ZNF277: variants seen among roughly 807,000 people sequenced by gnomAD.
ZNF277 encodes the protein nuclear receptor-interacting factor 4.
Under a neutral mutation model 60.7 loss-of-function variants are expected in ZNF277, and 55 were observed. The ratio of observed to expected loss-of-function variants is 0.91; its 90% confidence interval spans 0.73 to 1.13. The LOEUF (loss-of-function observed/expected upper bound fraction) is 1.13. Among genes scored for constraint, ZNF277 ranks in the 50% most tolerant of loss-of-function variants. The pLI, the probability that ZNF277 is intolerant of heterozygous loss-of-function variation, is 0.00. For missense variants in ZNF277, 510 were observed against 523.0 expected, an observed-to-expected ratio of 0.98 and a Z score of 0.24; for synonymous variants, 178 against 179.3, an observed-to-expected ratio of 0.99 and a Z score of 0.06.
At chr7:112,334,800 A>G (rs1332816303) in intron 7 of ZNF277, among the ~76,000 whole-genome samples, 1 of 152,124 alleles carries the variant, frequency 6.6e-6, no homozygotes. Flanking sequence ...CCTTAAGTCC[A>G]AGTACAGAAA....
At chr7:112,247,314 A>C (rs2117003923) in intron 1 of ZNF277, among the ~76,000 whole-genome samples, 1 of 152,302 alleles carries the variant, frequency 6.6e-6, no homozygotes, top group African/African-American at 2.4e-5. Flanking sequence ...CTTTTGGTCA[A>C]CATTAGCTAG....
intron 1 of ZNF277, among the ~76,000 whole-genome samples, chr7:112,263,627 A>G (rs2117027979): frequency 6.6e-6 from 1 of 152,220 alleles, no homozygotes; most frequent in South Asian, 2.1e-4. Context: ...CTCACTCCTC[A>G]GTGTTATACA....
intron 1 of ZNF277, among the ~76,000 whole-genome samples, chr7:112,280,670 G>A (rs1791919192): frequency 6.6e-6 from 1 of 151,408 alleles, no homozygotes; most frequent in African/African-American, 2.4e-5. Context: ...CTGTCACCCA[G>A]ACTGGAGTGC....
intron 5 of ZNF277, among the ~76,000 whole-genome samples, chr7:112,322,899 T>A (rs960328569): frequency 6.6e-6 from 1 of 152,186 alleles, no homozygotes; most frequent in African/African-American, 2.4e-5. Context: ...TTTTGTGTGT[T>A]TAGTGACTTT....
chr7:112,300,762 C>A (rs1359481959), intron 4 of ZNF277, among the ~76,000 whole-genome samples: 19 of 152,150 alleles, frequency 1.2e-4, no homozygotes, highest in Admixed American at 1.2e-3. Flanking sequence ...CCAAAACTTG[C>A]TATTTGCCTG....
rs535674762 is a variant in ZNF277 at position 112,326,745 on chromosome 7, G to C, written c.558-972G>C. Reference sequence around the variant, plus strand: ...AAACACTGAAAACATTTTTTTGGGGGGGGACCAGGTAAGTGTCTAAATAAT... The same window carrying C: ...AAACACTGAAAACATTTTTTTGGGGCGGGACCAGGTAAGTGTCTAAATAAT... On this transcript the variant is annotated intron_variant, in intron 5 of 11. Coordinates refer to ENST00000361822, the MANE Select transcript of ZNF277 (RefSeq NM_021994.3). 2.7e-4 allele frequency among the ~76,000 whole-genome samples: 41 copies of C among 151,606 alleles called. No homozygotes were observed. In the South Asian group the frequency reaches 7.5e-3, roughly 28 times the overall value.
intron 1 of ZNF277, among the ~76,000 whole-genome samples, chr7:112,274,739 TACTATTTCCAAAG>T (rs1791754705): frequency 6.6e-6 from 1 of 152,226 alleles, no homozygotes; most frequent in Non-Finnish European, 1.5e-5. Context: ...TTAACTAGAC[TACTATTTCCAAAG>T]TAATACTCTG....
chr7:112,223,685 T>G (rs1822096229), intron 1 of ZNF277, among the ~76,000 whole-genome samples: 2 of 152,166 alleles, frequency 1.3e-5, no homozygotes, highest in Admixed American at 1.3e-4. Context: ...CAAAGGCGCT[T>G]TTGTCCAGGG....
intron 1 of ZNF277, among the ~76,000 whole-genome samples, chr7:112,279,648 G>A (rs559373251): frequency 1.2e-4 from 19 of 152,168 alleles, no homozygotes; most frequent in Non-Finnish European, 2.4e-4. Flanking sequence ...AAAATCTTGT[G>A]TATAACTTTT....
chr7:112,286,859 T>TTTTTTTTC lies in ZNF277; in HGVS notation c.92-13_92-12insTTTTTTCT, dbSNP rs1792077390. The TTTTTTTTC allele has an allele frequency of 6.9e-7, 1 of 1,443,902 alleles. No individual in the cohort carries two copies. Among genetic ancestry groups the TTTTTTTTC allele is most frequent in the Non-Finnish European group, 9.2e-7 (1 of 1,084,154 alleles). The allele number at this position is 1,443,902 out of a possible 1,614,324, so 89.4% of individuals were successfully genotyped here. On this transcript the variant is annotated splice_polypyrimidine_tract_variant and intron_variant, in intron 1 of 11. Coordinates refer to ENST00000361822, the MANE Select transcript of ZNF277 (RefSeq NM_021994.3). ...TTTCTTTCTTTTTTTTTTTTTTTTT[T>TTTTTTTTC]TGGTCTATTCCAGACAGTAAGGATT... is the stretch of plus-strand genomic sequence containing the variant.
At chr7:112,215,701 C>T (rs1316536363) in intron 1 of ZNF277, among the ~76,000 whole-genome samples, 1 of 152,208 alleles carries the variant, frequency 6.6e-6, no homozygotes, top group East Asian at 1.9e-4. Context: ...CCTTGTTTCT[C>T]TAATACTGTC....
At chr7:112,248,119 G>T (rs1427333233) in intron 1 of ZNF277, among the ~76,000 whole-genome samples, 1 of 152,176 alleles carries the variant, frequency 6.6e-6, no homozygotes, top group East Asian at 1.9e-4. Context: ...GTTGGGTAAT[G>T]ATTTATCTTT....
chr7:112,245,110 C>T (rs1791053645), intron 1 of ZNF277, among the ~76,000 whole-genome samples: 1 of 152,168 alleles, frequency 6.6e-6, no homozygotes, highest in Non-Finnish European at 1.5e-5. Context: ...TTCTAGCCTT[C>T]CCTTCAGAAA....
chr7:112,274,488 ATTCT>A (rs1791748742), intron 1 of ZNF277, among the ~76,000 whole-genome samples: 1 of 152,194 alleles, frequency 6.6e-6, no homozygotes, highest in Non-Finnish European at 1.5e-5. Context: ...AAAAAGAATC[ATTCT>A]TTATCTGTTC....
chr7:112,252,360 T>C (rs1791217696), intron 1 of ZNF277, among the ~76,000 whole-genome samples: 1 of 152,190 alleles, frequency 6.6e-6, no homozygotes, highest in Admixed American at 6.6e-5. Context: ...CGTTGTTCTT[T>C]AAGCATTTTG....
chr7:112,210,499 T>C (rs1366796301), intron 1 of ZNF277, among the ~76,000 whole-genome samples: 1 of 148,628 alleles, frequency 6.7e-6, no homozygotes, highest in Non-Finnish European at 1.5e-5. Flanking sequence ...TGAGACAGAG[T>C]CCTGCTCTGT....
intron 1 of ZNF277, among the ~76,000 whole-genome samples, chr7:112,259,412 T>A (rs1563206857): frequency 6.6e-6 from 1 of 152,006 alleles, no homozygotes. Flanking sequence ...AAAAATTACG[T>A]AGTAGTAGAG....
chr7:112,307,389 G>T (rs1584397100), intron 4 of ZNF277, among the ~76,000 whole-genome samples: 1 of 151,964 alleles, frequency 6.6e-6, no homozygotes, highest in East Asian at 1.9e-4. Context: ...TCAGCTCTTT[G>T]GACTCAAAAT....
At chr7:112,331,584 G>C (rs1266489213) in intron 7 of ZNF277, among the ~76,000 whole-genome samples, 1 of 152,192 alleles carries the variant, frequency 6.6e-6, no homozygotes, top group Non-Finnish European at 1.5e-5. Context: ...ATTCCTTGTA[G>C]TGTTAAAATT....
Sources: allele counts gnomAD v4.1 joint callset (sites outside exome capture counted in the v4.1 genomes callset), GRCh38; gene constraint gnomAD v4.1.1; transcripts MANE v1.5; gene names NCBI Gene and HGNC (gene_info 2026-07-23, HGNC 2026-07-21).